The following GPD2 variants were observed in gnomAD, a reference collection of about 807,000 sequenced individuals.
The protein encoded by GPD2 is glycerol-3-phosphate dehydrogenase 2.
Under a neutral mutation model 82.4 loss-of-function variants are expected in GPD2, and 54 were observed. That is an observed-to-expected ratio of 0.66 (90% CI 0.53 to 0.82). The LOEUF (loss-of-function observed/expected upper bound fraction) is 0.82, where lower values mean the gene tolerates loss of function less well. Ranked by LOEUF, GPD2 falls within the 40% of genes least tolerant of loss-of-function variation. The pLI is 0.00. For synonymous variants in GPD2, 288 were observed against 306.1 expected, an observed-to-expected ratio of 0.94 and a Z score of 0.62; for missense variants, 748 against 896.2, an observed-to-expected ratio of 0.83 and a Z score of 2.11.
chr2:156,568,990 CTTTTTTTT>C (rs36082652), intron 10 of GPD2, 31 bp downstream of exon 10: 2 of 1,254,280 alleles, frequency 1.6e-6, no homozygotes, highest in African/African-American at 3.3e-5. Flanking sequence ...ATTTTCTTTT[CTTTTTTTT>C]TTTTTTTTGT....
intron 2 of GPD2, among the ~76,000 whole-genome samples, chr2:156,494,919 A>G: frequency 6.6e-6 from 1 of 152,210 alleles, no homozygotes; most frequent in East Asian, 1.9e-4. Context: ...ACTTATTTTT[A>G]AAGTCCAGGA....
intron 3 of GPD2, among the ~76,000 whole-genome samples, chr2:156,509,658 T>C (rs548641046): frequency 4.3e-4 from 65 of 151,944 alleles, no homozygotes; most frequent in African/African-American, 1.5e-3. Context: ...AAAACAAAAC[T>C]AGTTATCCCT....
chr2:156,489,485 C>T (rs1291148592), intron 2 of GPD2, among the ~76,000 whole-genome samples: 2 of 152,106 alleles, frequency 1.3e-5, no homozygotes, highest in Admixed American at 6.5e-5. Flanking sequence ...TAAGAGGTGC[C>T]TCCTGTGGCT....
intron 1 of GPD2, among the ~76,000 whole-genome samples, chr2:156,451,347 T>C (rs1682565259): frequency 6.9e-6 from 1 of 143,998 alleles, no homozygotes; most frequent in African/African-American, 2.6e-5. Context: ...GGGGTGCTCC[T>C]CACTTCCCAG....
chr2:156,490,456 T>TA (rs542368188), intron 2 of GPD2, among the ~76,000 whole-genome samples: 2 of 152,062 alleles, frequency 1.3e-5, no homozygotes, highest in Non-Finnish European at 2.9e-5. Flanking sequence ...AAATTACCCT[T>TA]AATAGTGCTG....
intron 2 of GPD2, among the ~76,000 whole-genome samples, chr2:156,482,054 T>C (rs78736630): frequency 0.013 from 1,990 of 152,294 alleles, 41 homozygotes; most frequent in African/African-American, 0.045. Flanking sequence ...TCCTGGAACA[T>C]AGGAAGCTTT....
chr2:156,524,516 C>T (rs927788423), intron 6 of GPD2, among the ~76,000 whole-genome samples: 5 of 152,174 alleles, frequency 3.3e-5, no homozygotes, highest in Non-Finnish European at 5.9e-5. Context: ...GCACCTCTTT[C>T]ACCATGGCTT....
At position 156,579,090 on chromosome 2, in the gene GPD2, A is replaced by G. The variant is rs779342827; in HGVS notation, c.1885A>G (p.Lys629Glu). ...TTATTTAATCTTGTGTTCCAGGTAT[A>G]AGAAGAGATTTCATAAGTTTGATGC... Reference protein sequence around the residue: ...SLLPSDIDRYKKRFHKFDADQ... With the variant: ...SLLPSDIDRYEKRFHKFDADQ... The change falls in exon 15 of 17, where the codon AAG becomes GAG. Residue 629 changes from lysine to glutamate, a missense_variant. By Grantham distance (56) the Lys-to-Glu change is moderately conservative. Transcript: ENST00000438166. 4 of 1,601,388 alleles carry G rather than the reference A, an allele frequency of 2.5e-6. No individual in the cohort carries two copies. In the South Asian group the frequency reaches 4.4e-5, roughly 18 times the overall value.
intron 6 of GPD2, among the ~76,000 whole-genome samples, chr2:156,524,162 GC>G (rs1246638693): frequency 1.3e-5 from 2 of 150,626 alleles, no homozygotes; most frequent in Non-Finnish European, 3.0e-5. Flanking sequence ...ACCTTTTGGA[GC>G]CCCCAGTGTG....
chr2:156,531,236 A>G (rs141896281), intron 6 of GPD2, among the ~76,000 whole-genome samples: 7 of 152,278 alleles, frequency 4.6e-5, no homozygotes, highest in Non-Finnish European at 8.8e-5. Context: ...CTTTAAATAT[A>G]TATGTATTTA....
intron 2 of GPD2, among the ~76,000 whole-genome samples, chr2:156,481,751 A>T (rs1683742137): frequency 6.6e-6 from 1 of 151,654 alleles, no homozygotes; most frequent in African/African-American, 2.4e-5. Flanking sequence ...AGTGCTGGGG[A>T]TCACAGACGT....
chr2:156,483,666 G>C (rs1683819783), intron 2 of GPD2, among the ~76,000 whole-genome samples: 1 of 152,178 alleles, frequency 6.6e-6, no homozygotes, highest in Non-Finnish European at 1.5e-5. Flanking sequence ...AAAATCATAA[G>C]CATAGTATCT....
Position 156,582,833 on chromosome 2 carries a change from G to T in GPD2, c.2099G>T (p.Arg700Leu). 1 of 1,612,948 alleles carries T rather than the reference G, an allele frequency of 6.2e-7. No individual in the cohort carries two copies. The change falls in exon 17 of 17, where the codon CGG becomes CTG. Residue 700 changes from arginine to leucine, a missense_variant. Transcript: ENST00000438166. Reference sequence around the variant, plus strand: ...CAAAAAGGAAGGGTATCTGGAAGCCGGCTTGCTATACTAATGAAAACTGCA... The same window carrying T: ...CAAAAAGGAAGGGTATCTGGAAGCCTGCTTGCTATACTAATGAAAACTGCA... Reference protein sequence around the residue: ...AIQKGRVSGSRLAILMKTAEE... With the variant: ...AIQKGRVSGSLLAILMKTAEE...
chr2:156,412,316 G>A, the GPD2 span, among the ~76,000 whole-genome samples: 16 of 152,056 alleles, frequency 1.1e-4, no homozygotes, highest in African/African-American at 3.9e-4. Context: ...GTGGATGCCT[G>A]TAGTCCCAGC....
At chr2:156,416,514 G>GT in the GPD2 span, among the ~76,000 whole-genome samples, 249 of 117,934 alleles carry the variant, frequency 2.1e-3, 5 homozygotes, top group African/African-American at 7.0e-3. Flanking sequence ...TGCCCAGCTA[G>GT]TTTTTTTTTT....
At chr2:156,569,291 G>A in intron 10 of GPD2, 72 bp from the exon 11 acceptor site, 1 of 1,035,354 alleles carries the variant, frequency 9.7e-7, no homozygotes. Flanking sequence ...TTATTGGTAA[G>A]TTGATAAATG....
rs745771373 is a variant in GPD2, at chr2:156,569,474, G to T, written c.1412G>T (p.Gly471Val). The change falls in exon 11 of 17, where the codon GGG (glycine) becomes GTG (valine). Residue 471 changes from glycine to valine, a missense_variant. By Grantham distance (109) the Gly-to-Val change is moderately radical. This residue lies in a region of GPD2 where 692 missense variants were observed against 809.7 expected (regional missense o/e 0.85). Coordinates refer to ENST00000438166, the MANE Select transcript of GPD2 (RefSeq NM_000408.5). ...PSRTVGLFLQ[G>V]GKDWSPTLYI... The stretch of plus-strand genomic sequence containing the variant: ...AGAACAGTTGGGCTTTTCCTTCAAG[G>T]GGGTAAAGATTGGAGCCCCACACTC... The T allele has an allele frequency of 6.2e-7, 1 of 1,612,774 alleles. No homozygotes were observed. Among genetic ancestry groups the T allele is most frequent in the Non-Finnish European group, 8.5e-7 (1 of 1,178,998 alleles).
At chr2:156,491,087 C>T (rs1558925181) in intron 2 of GPD2, among the ~76,000 whole-genome samples, 2 of 152,108 alleles carry the variant, frequency 1.3e-5, no homozygotes, top group Non-Finnish European at 2.9e-5. Flanking sequence ...TCTTTCATGC[C>T]CTTTGTAGTC....
chr2:156,425,539 T>G, the GPD2 span, among the ~76,000 whole-genome samples: 1 of 152,236 alleles, frequency 6.6e-6, no homozygotes, highest in East Asian at 1.9e-4. Flanking sequence ...TGACTATAAT[T>G]TATACCTAAT....
Sources: gnomAD v4.1 joint callset for allele counts (sites outside exome capture counted in the v4.1 genomes callset) on GRCh38, gnomAD v4.1.1 for gene constraint, gnomAD v4.1.1 regional missense constraint, MANE v1.5 for transcripts, NCBI Gene and HGNC (gene_info 2026-07-23, HGNC 2026-07-21) for gene names.